SLC5A4: variants seen among roughly 807,000 people sequenced by gnomAD.
SLC5A4 encodes solute carrier family 5 member 4, also known as probable glucose sensor protein SLC5A4.
Under a neutral mutation model 70.3 loss-of-function variants are expected in SLC5A4, and 55 were observed. The ratio of observed to expected loss-of-function variants is 0.78; its 90% CI spans 0.63 to 0.98. The LOEUF is 0.98. Ranked by LOEUF, SLC5A4 falls within the 50% of genes least tolerant of loss-of-function variation. SLC5A4 has a pLI of 0.00. For synonymous variants in SLC5A4, 268 were observed against 305.7 expected (o/e 0.88, Z 1.29); for missense variants, 735 against 839.2 (o/e 0.88, Z 1.53).
intron 5 of SLC5A4, among the ~76,000 whole-genome samples, chr22:32,239,582 T>A (rs5994505): frequency 0.013 from 204 of 15,774 alleles, no homozygotes; most frequent in Non-Finnish European, 0.016. Context: ...ATATATATAT[T>A]TATATATATA....
At chr22:32,328,854 G>A in the SLC5A4 span, among the ~76,000 whole-genome samples, 1 of 152,166 alleles carries the variant, frequency 6.6e-6, no homozygotes, top group Admixed American at 6.5e-5. Context: ...TGTGCATCTG[G>A]ACATCCCTCT....
At chr22:32,351,736 GT>G in the SLC5A4 span, among the ~76,000 whole-genome samples, 7 of 43,954 alleles carry the variant, frequency 1.6e-4, no homozygotes, top group African/African-American at 9.9e-4. Flanking sequence ...GGTGGGGGCG[GT>G]GGGGGGAGGG....
chr22:32,315,226 C>T, the SLC5A4 span, among the ~76,000 whole-genome samples: 22 of 149,258 alleles, frequency 1.5e-4, no homozygotes. Flanking sequence ...TGTGTAACTG[C>T]AGGACTATTA....
chr22:32,302,960 A>T, the SLC5A4 span, among the ~76,000 whole-genome samples: 1 of 152,244 alleles, frequency 6.6e-6, no homozygotes, highest in Non-Finnish European at 1.5e-5. Flanking sequence ...TGAATATGTC[A>T]CATCTCTTCA....
intron 7 of SLC5A4, among the ~76,000 whole-genome samples, chr22:32,235,988 T>A (rs780118040): frequency 6.6e-6 from 1 of 152,208 alleles, no homozygotes; most frequent in Non-Finnish European, 1.5e-5. Context: ...CAAAAATACA[T>A]AGGAGACCCT....
the SLC5A4 span, among the ~76,000 whole-genome samples, chr22:32,279,078 C>G: frequency 3.2e-4 from 48 of 151,966 alleles, no homozygotes; most frequent in Admixed American, 1.0e-3. Context: ...AGATGGAGAC[C>G]ATCCTGGCTA....
At chr22:32,238,931 G>C (rs1487961709) in intron 6 of SLC5A4, 54 bp downstream of exon 6, 12 of 1,187,774 alleles carry the variant, frequency 1.0e-5, no homozygotes, top group Non-Finnish European at 1.5e-5. Context: ...ATTGCAGGTT[G>C]GGGTGGGATC....
intron 11 of SLC5A4, among the ~76,000 whole-genome samples, chr22:32,227,163 G>T (rs977981924): frequency 1.4e-4 from 21 of 152,094 alleles, no homozygotes; most frequent in Admixed American, 1.3e-3. Context: ...AAACGTACAT[G>T]TTTTTTTCCT....
At position 32,225,560 on chromosome 22, in the gene SLC5A4, A is replaced by G; in HGVS notation, c.1449+95T>C. Reference sequence around the variant, plus strand: ...AATTAAGATGGGCCATGATTTGCATAAATAGGGGAGAAAGAATGTATTTTG... The same window carrying G: ...AATTAAGATGGGCCATGATTTGCATGAATAGGGGAGAAAGAATGTATTTTG... On this transcript the variant is annotated intron_variant, in intron 12 of 14. Coordinates refer to ENST00000266086, the MANE Select transcript of SLC5A4 (RefSeq NM_014227.3). 3 of 772,374 alleles carry G rather than the reference A, an allele frequency of 3.9e-6. No individual in the cohort carries two copies. In the South Asian group the frequency reaches 5.4e-5, roughly 14 times the overall value. 47.8% of individuals were successfully genotyped at this position (772,374 alleles called of 1,614,324 possible). A position where few individuals can be genotyped will look rare whatever the true frequency, so the allele number is the denominator to read the frequency against.
the SLC5A4 span, among the ~76,000 whole-genome samples, chr22:32,339,706 GAC>G: frequency 1.3e-5 from 2 of 152,202 alleles, no homozygotes; most frequent in Non-Finnish European, 2.9e-5. Context: ...CAGGGGAAAA[GAC>G]AAACCCCGAG....
At chr22:32,327,920 T>C in the SLC5A4 span, among the ~76,000 whole-genome samples, 1 of 152,168 alleles carries the variant, frequency 6.6e-6, no homozygotes, top group East Asian at 1.9e-4. Flanking sequence ...GCCTCTAATG[T>C]GGCCCAAGAT....
chr22:32,316,464 C>T, the SLC5A4 span, among the ~76,000 whole-genome samples: 1 of 152,044 alleles, frequency 6.6e-6, no homozygotes, highest in African/African-American at 2.4e-5. Flanking sequence ...ATAGCATAGC[C>T]TCAATATTCA....
upstream of SLC5A4, among the ~76,000 whole-genome samples, chr22:32,258,225 G>A (rs1021279628): frequency 1.3e-5 from 2 of 152,184 alleles, no homozygotes; most frequent in African/African-American, 4.8e-5. Flanking sequence ...CTGATCTCAT[G>A]TCATCTGTGA....
chr22:32,247,250 C>T (rs763512326), intron 5 of SLC5A4, among the ~76,000 whole-genome samples, 161 bp downstream of exon 5: 1 of 152,122 alleles, frequency 6.6e-6, no homozygotes, highest in Non-Finnish European at 1.5e-5. Flanking sequence ...CCTTTTTCCT[C>T]ATGAAGACTT....
intron 6 of SLC5A4, 76 bp from the exon 7 acceptor site, chr22:32,237,400 C>A: frequency 1.0e-6 from 1 of 969,508 alleles, no homozygotes; most frequent in South Asian, 1.7e-5. Context: ...CTGGGTTCTC[C>A]TCCACCCACA....
At chr22:32,247,541 C>T in intron 4 of SLC5A4, 26 bp from the exon 5 acceptor site, 1 of 1,461,608 alleles carries the variant, frequency 6.8e-7, no homozygotes, top group Non-Finnish European at 9.6e-7. Context: ...TTGACAGGGA[C>T]TTAACTTACC....
chr22:32,305,966 G>T, the SLC5A4 span, among the ~76,000 whole-genome samples: 72,494 of 151,356 alleles, frequency 0.48, 17,506 homozygotes, highest in Admixed American at 0.51. Context: ...CATTGAGTGT[G>T]CAGGATGGAC....
rs1461218411 is a variant in SLC5A4 at position 32,253,419 on chromosome 22, G to A, written c.207+723C>T. On this transcript the variant is annotated intron_variant, in intron 2 of 14. Coordinates refer to ENST00000266086, the MANE Select transcript of SLC5A4 (RefSeq NM_014227.3). ...GACATAGGGACCCATGGAGAGAGCCGGGAGGCTCCTCAGATGAGAAAGGGC... is the reference window on the plus strand; with the variant it reads ...GACATAGGGACCCATGGAGAGAGCCAGGAGGCTCCTCAGATGAGAAAGGGC... Among the ~76,000 whole-genome samples the A allele has an allele frequency of 4.6e-5, 7 of 152,202 alleles. No homozygotes were observed. In the East Asian group the frequency reaches 1.4e-3, roughly 29 times the overall value.
the SLC5A4 span, among the ~76,000 whole-genome samples, chr22:32,285,332 T>C: frequency 2.0e-5 from 3 of 152,220 alleles, no homozygotes; most frequent in Non-Finnish European, 4.4e-5. Context: ...TTCAGATTGC[T>C]TTCAACAGAA....
Sources: allele counts gnomAD v4.1 joint callset (sites outside exome capture counted in the v4.1 genomes callset), GRCh38; gene constraint gnomAD v4.1.1; transcripts MANE v1.5; gene names NCBI Gene and HGNC (gene_info 2026-07-23, HGNC 2026-07-21).